Variants in YLPM1 observed in about 807,000 individuals in gnomAD.
The protein encoded by YLPM1 is YLP motif-containing protein 1.
A neutral mutation model predicts 230.0 loss-of-function variants in YLPM1; 99 were observed. The observed-to-expected ratio is 0.43, with a 90% CI of 0.37 to 0.51. YLPM1 has a LOEUF of 0.51. Among genes scored for constraint, YLPM1 ranks in the 20% least tolerant of loss-of-function variants. The pLI is 0.00. For missense variants in YLPM1, 2,592 were observed against 2,707.7 expected (o/e 0.96, Z 0.95); for synonymous variants, 984 against 942.5 (o/e 1.04, Z -0.81).
At chr14:74,803,746 G>C (rs1013904784) in intron 6 of YLPM1, among the ~76,000 whole-genome samples, 1 of 152,024 alleles carries the variant, frequency 6.6e-6, no homozygotes, top group African/African-American at 2.4e-5. Context: ...GCTCCATCTT[G>C]CTGATTTGTC....
At chr14:74,773,999 G>A (rs757737971) in intron 1 of YLPM1, among the ~76,000 whole-genome samples, 1 of 151,948 alleles carries the variant, frequency 6.6e-6, no homozygotes, top group South Asian at 2.1e-4. Context: ...GGGATTACAG[G>A]CATGAGCCAC....
At position 74,799,121 on chromosome 14, in the gene YLPM1, A is replaced by G. The variant is rs1481748487; in HGVS notation, c.3824A>G (p.Asp1275Gly). 1 of 1,613,906 alleles carries G rather than the reference A, an allele frequency of 6.2e-7. No homozygotes were observed. Residue 1275 changes from aspartate (D) to glycine (G), a missense_variant, in exon 5 of 21, where the codon GAT becomes GGT. By Grantham distance (94) the Asp-to-Gly change is moderately conservative. Coordinates refer to ENST00000325680, the MANE Select transcript of YLPM1 (RefSeq NM_019589.3). Reference sequence around the variant, plus strand: ...GATTGGGAGAGAGACCAGGATATGGATGAGGACTACAATAGGGAAATGGAA... The same window carrying G: ...GATTGGGAGAGAGACCAGGATATGGGTGAGGACTACAATAGGGAAATGGAA... ...WDDWERDQDM[D>G]EDYNREMERD...
intron 4 of YLPM1, among the ~76,000 whole-genome samples, chr14:74,793,517 G>A (rs140050713): frequency 5.3e-5 from 8 of 152,166 alleles, no homozygotes; most frequent in African/African-American, 1.9e-4. Flanking sequence ...ATCTCTCTGA[G>A]GATAACAATT....
Position 74,798,784 on chromosome 14 carries a change from GGTC to G in YLPM1, c.3490_3492del (p.Arg1164del), listed in dbSNP as rs2091292008. The G allele has an allele frequency of 6.2e-7, 1 of 1,613,918 alleles. No individual in the cohort carries two copies. Among genetic ancestry groups the G allele is most frequent in the African/African-American group, 1.3e-5 (1 of 75,010 alleles). On this transcript the variant is annotated inframe_deletion, in exon 5 of 21. Coordinates refer to ENST00000325680, the MANE Select transcript of YLPM1 (RefSeq NM_019589.3). ...AAGGGGACTGGGAAGATCAGATTTT[GGTC>G]GTGATAGAGGTCCATTCAGACCAGA... is the stretch of plus-strand genomic sequence containing the variant.
chr14:74,778,424 C>G (rs1013163426), intron 1 of YLPM1, 23 bp from the exon 2 acceptor site: 1 of 1,563,740 alleles, frequency 6.4e-7, no homozygotes, highest in African/African-American at 1.4e-5. Context: ...AATCAAAATT[C>G]TCAAAAATTG....
intron 4 of YLPM1, among the ~76,000 whole-genome samples, chr14:74,785,897 A>G (rs561918953): frequency 6.6e-5 from 10 of 152,304 alleles, no homozygotes; most frequent in Admixed American, 1.3e-4. Flanking sequence ...CACTGTGTAT[A>G]TCATTGGATT....
At chr14:74,784,080 C>T (rs927867207) in intron 4 of YLPM1, among the ~76,000 whole-genome samples, 1 of 152,170 alleles carries the variant, frequency 6.6e-6, no homozygotes, top group East Asian at 1.9e-4. Context: ...GATTTGAATT[C>T]GTTCTTAATC....
At position 74,836,391 on chromosome 14, in the gene YLPM1, T is replaced by G. The variant is rs1245724860; in HGVS notation, c.*653T>G. 1.3e-5 allele frequency: 2 copies of G among 152,294 alleles called. No individual in the cohort carries two copies. The highest frequency in any genetic ancestry group is 4.8e-5 in the African/African-American group (2 of 41,456). The allele number at this position is 152,294 out of a possible 1,614,324, so 9.4% of individuals were successfully genotyped here. A position where few individuals can be genotyped will look rare whatever the true frequency, so the allele number is the denominator to read the frequency against. ...TCATCTTTGTTTTATAGCTGATTTCTCTATCTTTGTGTCTTGAAGACTGAC... is the reference window on the plus strand; with the variant it reads ...TCATCTTTGTTTTATAGCTGATTTCGCTATCTTTGTGTCTTGAAGACTGAC... On this transcript the variant is annotated 3_prime_UTR_variant, in exon 21 of 21. Transcript: ENST00000325680.
chr14:74,809,649 A>G lies in YLPM1; in HGVS notation c.4791A>G (p.Ser1597=). 1.2e-6 allele frequency: 2 copies of G among 1,614,068 alleles called. No individual in the cohort carries two copies. Among genetic ancestry groups the G allele is most frequent in the Non-Finnish European group, 1.7e-6 (2 of 1,179,906 alleles). Residue 1597 remains serine, a synonymous_variant, in exon 7 of 21, where the codon TCA becomes TCG. Coordinates refer to ENST00000325680, the MANE Select transcript of YLPM1 (RefSeq NM_019589.3). ...AAGGACTGAATTCAGAATTTAAGTC[A>G]GAAACTGCAGCAATTCCATCTGCTC... ...DEQGLNSEFK[S]ETAAIPSAPV...
rs2091484829 is a variant in YLPM1, at chr14:74,817,077, T to G, written c.5832T>G (p.Phe1944Leu). The stretch of plus-strand genomic sequence containing the variant: ...ACAGAGTTAGGCATTTTGACCAGTT[T>G]TGGAGTGCAGCAAAAACCAAGGGAT... ...INDRVRHFDQ[F>L]WSAAKTKGFE... Residue 1944 changes from phenylalanine to leucine, a missense_variant, in exon 14 of 21, where the codon TTT becomes TTG. Physicochemically the swap from Phe to Leu is conservative, Grantham distance 22. Around this residue, in one of 4 missense-constraint regions of YLPM1, gnomAD observed 315 missense variants for 429.3 expected, o/e 0.73. Coordinates refer to ENST00000325680, the MANE Select transcript of YLPM1 (RefSeq NM_019589.3). 1 of 1,607,312 alleles carries G rather than the reference T, an allele frequency of 6.2e-7. No homozygotes were observed.
chr14:74,817,255 G>A lies in YLPM1; in HGVS notation c.5924G>A (p.Arg1975Lys), dbSNP rs1209267370. The A allele has an allele frequency of 6.3e-7, 1 of 1,591,712 alleles. No individual in the cohort carries two copies. Among genetic ancestry groups the A allele is most frequent in the Admixed American group, 1.8e-5 (1 of 56,692 alleles). ...QTCGKRNIHG[R>K]KLKEINKMAD... ...TGTGGCAAGAGAAATATTCATGGAAGAAAGCTTAAAGAAATAAATAAGGTG... is the reference window on the plus strand; with the variant it reads ...TGTGGCAAGAGAAATATTCATGGAAAAAAGCTTAAAGAAATAAATAAGGTG... Residue 1975 changes from arginine to lysine, a missense_variant, in exon 15 of 21, where the codon AGA (arginine) becomes AAA (lysine). Physicochemically the swap from Arg to Lys is conservative, Grantham distance 26. Transcript: ENST00000325680.
intron 4 of YLPM1, among the ~76,000 whole-genome samples, chr14:74,782,848 A>C (rs913642989): frequency 6.6e-6 from 1 of 152,218 alleles, no homozygotes; most frequent in Non-Finnish European, 1.5e-5. Context: ...AGCAGAACAC[A>C]TAAAATTCCT....
At chr14:74,811,136 A>T (rs952198296) in intron 9 of YLPM1, among the ~76,000 whole-genome samples, 3 of 152,068 alleles carry the variant, frequency 2.0e-5, no homozygotes, top group African/African-American at 7.2e-5. Flanking sequence ...TTTCCCATGA[A>T]CTTCTTAGAT....
intron 17 of YLPM1, 158 bp from the exon 18 acceptor site, chr14:74,824,098 T>C (rs770566496): frequency 1.5e-6 from 1 of 670,422 alleles, no homozygotes; most frequent in South Asian, 2.1e-5. Flanking sequence ...TTTAGTTTCT[T>C]CAAAGATAAT....
chr14:74,835,736 G>A, intron 20 of YLPM1, 39 bp from the exon 21 acceptor site: 2 of 418,978 alleles, frequency 4.8e-6, no homozygotes, highest in Non-Finnish European at 9.1e-6. Context: ...CTTTTTGCCT[G>A]TTCTTTCCAG....
intron 6 of YLPM1, among the ~76,000 whole-genome samples, chr14:74,805,390 C>G (rs931894198): frequency 6.6e-6 from 1 of 151,688 alleles, no homozygotes; most frequent in Non-Finnish European, 1.5e-5. Flanking sequence ...GCCTGGGAGG[C>G]TGGAATACAG....
In YLPM1 at chr14:74,782,334, G is replaced by T; in HGVS notation, c.2282+9G>T. ...AGTCCAAGAGGCCCAAGGTAGGTCT[G>T]CTTTTTTTTCTCTTTTTTTTTGGTT... On this transcript the variant is annotated intron_variant, in intron 4 of 20. Coordinates refer to ENST00000325680, the MANE Select transcript of YLPM1 (RefSeq NM_019589.3). The T allele has an allele frequency of 2.0e-6, 3 of 1,476,548 alleles. No homozygotes were observed. Among genetic ancestry groups the T allele is most frequent in the East Asian group, 2.4e-5 (1 of 42,194 alleles). 91.5% of individuals were successfully genotyped at this position (1,476,548 alleles called of 1,614,324 possible). A position where few individuals can be genotyped will look rare whatever the true frequency, so the allele number is the denominator to read the frequency against.
rs745506998 is a variant in YLPM1 at position 74,782,279 on chromosome 14, C to G, written c.2236C>G (p.Pro746Ala). The G allele has an allele frequency of 6.4e-7, 1 of 1,569,232 alleles. No homozygotes were observed. Among genetic ancestry groups the G allele is most frequent in the Admixed American group, 1.8e-5 (1 of 54,362 alleles). ...DMPVRSGGLL[P>A]DPPRSSYLES... ...GCCAGTGAGATCAGGTGGCCTGCTT[C>G]CAGATCCTCCTAGAAGTAGTTACTT... The change falls in exon 4 of 21, where the codon CCA (proline) becomes GCA (alanine). Residue 746 changes from proline to alanine, a missense_variant. Around this residue, in one of 4 missense-constraint regions of YLPM1, gnomAD observed 1,862 missense variants for 1,819.8 expected, o/e 1.02. Coordinates refer to ENST00000325680, the MANE Select transcript of YLPM1 (RefSeq NM_019589.3).
chr14:74,821,836 A>G (rs1242204450), intron 17 of YLPM1: 2 of 152,214 alleles, frequency 1.3e-5, no homozygotes, highest in African/African-American at 2.4e-5. Flanking sequence ...GAGATTAGCA[A>G]TGCCTTGGAA....
Sources: allele counts gnomAD v4.1 joint callset (sites outside exome capture counted in the v4.1 genomes callset), GRCh38; gene constraint gnomAD v4.1.1; regional missense constraint gnomAD v4.1.1; transcripts MANE v1.5; gene names NCBI Gene and HGNC (gene_info 2026-07-23, HGNC 2026-07-21).